Variants in CDH8 observed in about 807,000 individuals in gnomAD.
CDH8 encodes cadherin-8.
Under a neutral mutation model 68.1 loss-of-function variants are expected in CDH8, and 17 were observed. That is an observed-to-expected ratio of 0.25 (90% confidence interval 0.17 to 0.37). CDH8 has a LOEUF of 0.37. Ranked by LOEUF, CDH8 falls within the 10% of genes least tolerant of loss-of-function variation. The pLI is 1.00. For synonymous variants in CDH8, 372 were observed against 365.1 expected (o/e 1.02, Z -0.21); for missense variants, 763 against 999.3 (o/e 0.76, Z 3.19).
intron 8 of CDH8, among the ~76,000 whole-genome samples, chr16:61,769,854 C>T (rs535259370): frequency 1.3e-5 from 2 of 151,924 alleles, no homozygotes; most frequent in African/African-American, 2.4e-5. Context: ...GATTTTGCAA[C>T]CAAGTTGATG....
chr16:62,015,556 C>G (rs112004026), intron 2 of CDH8, among the ~76,000 whole-genome samples: 19 of 152,282 alleles, frequency 1.2e-4, no homozygotes, highest in African/African-American at 4.6e-4. Flanking sequence ...GAGAAAGAAG[C>G]CAGATCTCCA....
intron 2 of CDH8, among the ~76,000 whole-genome samples, chr16:61,960,015 T>TATACAC (rs1198530274): frequency 2.7e-5 from 2 of 73,234 alleles, no homozygotes; most frequent in Non-Finnish European, 2.3e-5. Context: ...TATATATATA[T>TATACAC]ACACACATAC....
chr16:61,921,750 G>A (rs1187488981), intron 2 of CDH8, among the ~76,000 whole-genome samples: 1 of 152,154 alleles, frequency 6.6e-6, no homozygotes, highest in Non-Finnish European at 1.5e-5. Flanking sequence ...GAGGTCATGG[G>A]GGCCAGCTGC....
At chr16:61,895,904 T>C (rs879747791) in intron 3 of CDH8, among the ~76,000 whole-genome samples, 1 of 152,056 alleles carries the variant, frequency 6.6e-6, no homozygotes, top group Non-Finnish European at 1.5e-5. Flanking sequence ...TTGTATACAC[T>C]ATAGAGATAG....
At chr16:61,757,454 T>C (rs1960351177) in intron 8 of CDH8, among the ~76,000 whole-genome samples, 2 of 152,188 alleles carry the variant, frequency 1.3e-5, no homozygotes, top group African/African-American at 4.8e-5. Flanking sequence ...AATTATATTT[T>C]GTAACTTAAT....
intron 10 of CDH8, among the ~76,000 whole-genome samples, chr16:61,660,901 A>G (rs1963543549): frequency 6.6e-6 from 1 of 152,086 alleles, no homozygotes; most frequent in South Asian, 2.1e-4. Flanking sequence ...ACCAGCAGGC[A>G]TGTTTACTAA....
At chr16:61,929,620 G>T (rs914308877) in intron 2 of CDH8, among the ~76,000 whole-genome samples, 3 of 152,080 alleles carry the variant, frequency 2.0e-5, no homozygotes, top group African/African-American at 7.2e-5. Context: ...GGGTGCACTG[G>T]GTCCCATCTG....
chr16:61,993,929 C>G (rs183433724), intron 2 of CDH8, among the ~76,000 whole-genome samples: 1 of 152,206 alleles, frequency 6.6e-6, no homozygotes, highest in East Asian at 1.9e-4. Flanking sequence ...ATAGATATAT[C>G]AAAATTTATT....
chr16:61,831,220 A>G (rs1215726533), intron 4 of CDH8, among the ~76,000 whole-genome samples: 1 of 151,788 alleles, frequency 6.6e-6, no homozygotes, highest in East Asian at 1.9e-4. Context: ...AATTCAACTA[A>G]TGAGAACCCT....
chr16:61,685,403 T>C (rs1362867919), intron 10 of CDH8, among the ~76,000 whole-genome samples: 2 of 151,776 alleles, frequency 1.3e-5, no homozygotes, highest in Admixed American at 6.6e-5. Context: ...GAATCAACCA[T>C]TCAGATATCT....
intron 8 of CDH8, among the ~76,000 whole-genome samples, chr16:61,787,127 A>G (rs1372331983): frequency 6.6e-6 from 1 of 151,740 alleles, no homozygotes; most frequent in Non-Finnish European, 1.5e-5. Context: ...GCACAGCAAA[A>G]GAAACTACCA....
At chr16:61,848,811 TAG>T (rs1305719486) in intron 4 of CDH8, among the ~76,000 whole-genome samples, 1 of 152,080 alleles carries the variant, frequency 6.6e-6, no homozygotes, top group Non-Finnish European at 1.5e-5. Flanking sequence ...GATGTAAAGT[TAG>T]GTACAAGTAA....
At chr16:62,026,278 G>T (rs1902196332) in intron 1 of CDH8, among the ~76,000 whole-genome samples, 1 of 152,184 alleles carries the variant, frequency 6.6e-6, no homozygotes, top group African/African-American at 2.4e-5. Context: ...ATATTAACGT[G>T]CATCCAAATT....
chr16:62,013,261 C>CAAAAA lies in CDH8; in HGVS notation c.252+7886_252+7890dup, dbSNP rs1165564723. Among the ~76,000 whole-genome samples the CAAAAA allele has an allele frequency of 3.0e-3, 19 of 6,398 alleles. 3 individuals carry two copies. The highest frequency in any genetic ancestry group is 0.032 in the South Asian group (2 of 62). 4.2% of individuals were successfully genotyped at this position (6,398 alleles called of 152,430 possible). A position where few individuals can be genotyped will look rare whatever the true frequency, so the allele number is the denominator to read the frequency against. ...TGGGCGACAGAGCGAGACTCCGTCTCAAAAAAAAAAAAAAAAAAAAAAAAA... is the reference window on the plus strand; with the variant it reads ...TGGGCGACAGAGCGAGACTCCGTCTCAAAAAAAAAAAAAAAAAAAAAAAAAAAAAA... On this transcript the variant is annotated intron_variant, in intron 2 of 11. Coordinates refer to ENST00000577390, the MANE Select transcript of CDH8 (RefSeq NM_001796.5).
In CDH8 at chr16:61,820,937, T is replaced by C. The variant is rs776552459; in HGVS notation, c.1012A>G (p.Arg338Gly). 11 of 1,611,300 alleles carry C rather than the reference T, an allele frequency of 6.8e-6. No homozygotes were observed. Among genetic ancestry groups the C allele is most frequent in the Non-Finnish European group, 9.3e-6 (11 of 1,178,268 alleles). ...SDAQAQDGIIRLRKPLDFETK... is the reference protein window; with the variant it reads ...SDAQAQDGIIGLRKPLDFETK... ...CTTCCTTAGCTTACTTTTCTTAGCCTTATAATGCCATCCTGGGCCTGGGCA... is the reference window on the plus strand; with the variant it reads ...CTTCCTTAGCTTACTTTTCTTAGCCCTATAATGCCATCCTGGGCCTGGGCA... The change falls in exon 6 of 12, where the codon AGG becomes GGG. Residue 338 changes from arginine (R) to glycine (G), a missense_variant. Transcript: ENST00000577390.
rs573475127 is a variant in CDH8 at position 61,696,338 on chromosome 16, A to C, written c.1654+17503T>G. Among the ~76,000 whole-genome samples, 10 of 152,366 alleles carry C rather than the reference A, an allele frequency of 6.6e-5. 1 individual carries two copies. In the South Asian group the frequency reaches 2.1e-3, roughly 32 times the overall value. On this transcript the variant is annotated intron_variant, in intron 10 of 11. Coordinates refer to ENST00000577390, the MANE Select transcript of CDH8 (RefSeq NM_001796.5). ...TAAACTGACCCATCAGAGGTCTCAA[A>C]GGTGCAGTTAACCTAAAGCAATAGT...
intron 10 of CDH8, among the ~76,000 whole-genome samples, chr16:61,682,276 T>C (rs959344333): frequency 1.1e-4 from 16 of 151,894 alleles, no homozygotes; most frequent in South Asian, 4.1e-4. Context: ...GTTCATGTAT[T>C]AGGAAAAAAT....
At chr16:61,730,404 T>C (rs1375699528) in intron 8 of CDH8, among the ~76,000 whole-genome samples, 3 of 151,510 alleles carry the variant, frequency 2.0e-5, no homozygotes, top group Non-Finnish European at 3.0e-5. Context: ...ATAATGTTTT[T>C]TCAATTATCA....
intron 10 of CDH8, chr16:61,667,429 T>A (rs1963702132): frequency 6.6e-6 from 1 of 151,990 alleles, no homozygotes; most frequent in Non-Finnish European, 1.5e-5. Context: ...ATACAGAAGA[T>A]CACTTGGCAG....
Sources: gnomAD v4.1 joint callset for allele counts (sites outside exome capture counted in the v4.1 genomes callset) on GRCh38, gnomAD v4.1.1 for gene constraint, MANE v1.5 for transcripts, NCBI Gene and HGNC (gene_info 2026-07-23, HGNC 2026-07-21) for gene names.